The following ARHGEF33 variants were observed in gnomAD, a reference collection of about 807,000 sequenced individuals.
The protein encoded by ARHGEF33 is DH and coiled-coil domain-containing protein ENSP00000381780.
ARHGEF33 carries 72 observed loss-of-function variants against 101.9 expected under a neutral mutation model. The ratio of observed to expected loss-of-function variants is 0.71; its 90% confidence interval spans 0.58 to 0.86. ARHGEF33 has a LOEUF of 0.86. Among genes scored for constraint, ARHGEF33 ranks in the 40% least tolerant of loss-of-function variants. The pLI is 0.00. For synonymous variants in ARHGEF33, 499 were observed against 442.5 expected, an observed-to-expected ratio of 1.13 and a Z score of -1.60; for missense variants, 1,169 against 1,111.3, an observed-to-expected ratio of 1.05 and a Z score of -0.74.
chr2:38,917,552 A>G (rs138568026), intron 2 of ARHGEF33, among the ~76,000 whole-genome samples: 1,859 of 152,178 alleles, frequency 0.012, 33 homozygotes, highest in African/African-American at 0.042. Flanking sequence ...CTGTGCGGCC[A>G]GGCATAGTGG....
intron 2 of ARHGEF33, among the ~76,000 whole-genome samples, chr2:38,903,583 G>A (rs1216678188): frequency 6.6e-6 from 1 of 152,204 alleles, no homozygotes; most frequent in Non-Finnish European, 1.5e-5. Context: ...ACACCAGGCA[G>A]TAAGGATTCT....
intron 7 of ARHGEF33, among the ~76,000 whole-genome samples, chr2:38,932,408 T>C (rs1667028135): frequency 6.6e-6 from 1 of 152,060 alleles, no homozygotes. Context: ...ATTACAGGCG[T>C]GAGCCACCGT....
intron 17 of ARHGEF33, chr2:38,969,493 A>G (rs1668122228): frequency 5.9e-6 from 1 of 169,290 alleles, no homozygotes; most frequent in Admixed American, 6.5e-5. Context: ...AAAACCTGAG[A>G]AAGGGTTCTC....
rs143861005 is a variant in ARHGEF33, at chr2:38,953,954, G to T, written c.1138-419G>T. 2.6e-5 allele frequency among the ~76,000 whole-genome samples: 4 copies of T among 152,338 alleles called. No individual in the cohort carries two copies. In the East Asian group the frequency reaches 7.7e-4, roughly 29 times the overall value. On this transcript the variant is annotated intron_variant, in intron 12 of 17. Coordinates refer to ENST00000409978, the MANE Select transcript of ARHGEF33 (RefSeq NM_001145451.5). ...TTTCTGCGGCCAGGCCAGCTAACTA[G>T]GTTCTAATGACACTCCCTTTTCCAT...
At chr2:38,897,769 G>A (rs1212416900) in intron 2 of ARHGEF33, among the ~76,000 whole-genome samples, 1 of 152,110 alleles carries the variant, frequency 6.6e-6, no homozygotes, top group Non-Finnish European at 1.5e-5. Flanking sequence ...AACTCTCCTG[G>A]GTCATATCAA....
chr2:38,925,110 TGTG>T (rs1666842781), intron 4 of ARHGEF33, among the ~76,000 whole-genome samples: 1 of 152,122 alleles, frequency 6.6e-6, no homozygotes, highest in Non-Finnish European at 1.5e-5. Flanking sequence ...GTATCTGCAG[TGTG>T]ATTTCAAGCA....
chr2:38,909,732 G>T (rs186951902), intron 2 of ARHGEF33, among the ~76,000 whole-genome samples: 427 of 141,682 alleles, frequency 3.0e-3, no homozygotes, highest in Non-Finnish European at 5.0e-3. Context: ...TTTTGGTTGT[G>T]GGCATAGAAA....
intron 11 of ARHGEF33, among the ~76,000 whole-genome samples, chr2:38,951,978 G>A (rs1248027783): frequency 6.6e-6 from 1 of 152,222 alleles, no homozygotes; most frequent in Non-Finnish European, 1.5e-5. Context: ...GGTGTGAAGT[G>A]TGAGCTGCAG....
At chr2:38,930,450 T>C (rs966981265) in intron 6 of ARHGEF33, among the ~76,000 whole-genome samples, 1 of 151,910 alleles carries the variant, frequency 6.6e-6, no homozygotes, top group African/African-American at 2.4e-5. Context: ...TGGGCTCAAA[T>C]GATTCTCCCA....
chr2:38,937,319 C>T lies in ARHGEF33; in HGVS notation c.566-16C>T, dbSNP rs1359453840. 8.9e-6 allele frequency: 3 copies of T among 335,272 alleles called. No homozygotes were observed. The highest frequency in any genetic ancestry group is 3.0e-5 in the South Asian group (1 of 33,814). The allele number at this position is 335,272 out of a possible 1,614,324, so 20.8% of individuals were successfully genotyped here. On this transcript the variant is annotated splice_polypyrimidine_tract_variant and intron_variant, in intron 8 of 17. Transcript: ENST00000409978. The stretch of plus-strand genomic sequence containing the variant: ...CAGTTTTCTTTGTTTCCCCGCCCCT[C>T]CCCCCACCCCACCAGGAGTGAACCC...
intron 4 of ARHGEF33, among the ~76,000 whole-genome samples, chr2:38,925,838 C>T (rs1666857522): frequency 6.6e-6 from 1 of 152,076 alleles, no homozygotes; most frequent in African/African-American, 2.4e-5. Flanking sequence ...GTCCAGTCCC[C>T]CTAATTTACT....
intron 10 of ARHGEF33, among the ~76,000 whole-genome samples, chr2:38,950,499 T>C (rs969049615): frequency 6.6e-6 from 1 of 152,238 alleles, no homozygotes; most frequent in African/African-American, 2.4e-5. Context: ...TTACCCAGGC[T>C]GGGGTGAAGT....
At chr2:38,911,951 G>A (rs1666517775) in intron 2 of ARHGEF33, among the ~76,000 whole-genome samples, 1 of 152,212 alleles carries the variant, frequency 6.6e-6, no homozygotes, top group South Asian at 2.1e-4. Flanking sequence ...GAGAGGCTCT[G>A]GTTGAAGGGG....
intron 4 of ARHGEF33, among the ~76,000 whole-genome samples, chr2:38,927,344 A>G (rs1469185322): frequency 6.6e-6 from 1 of 152,270 alleles, no homozygotes; most frequent in Non-Finnish European, 1.5e-5. Flanking sequence ...GTTCAGAAAT[A>G]CACATTCAAA....
chr2:38,935,999 C>T (rs1389259959), intron 8 of ARHGEF33, among the ~76,000 whole-genome samples, 165 bp downstream of exon 8: 1 of 152,198 alleles, frequency 6.6e-6, no homozygotes, highest in Admixed American at 6.5e-5. Context: ...TAGAGCAGGT[C>T]AGTGACTCAT....
At chr2:38,893,904 A>G (rs1046724470) in intron 1 of ARHGEF33, among the ~76,000 whole-genome samples, 1 of 152,184 alleles carries the variant, frequency 6.6e-6, no homozygotes, top group Admixed American at 6.5e-5. Context: ...TTCAAGGGAG[A>G]TAGGGCACAA....
rs552650413 is a variant in ARHGEF33, at chr2:38,960,304, G to A, written c.1999G>A (p.Glu667Lys). ...LRPVSFAMEA[E>K]RPEHPLQPLP... ...GCCCGTCAGCTTCGCCATGGAGGCC[G>A]AGCGGCCGGAGCACCCGCTGCAGCC... Residue 667 changes from glutamate (E) to lysine (K), a missense_variant, in exon 16 of 18, where the codon GAG (glutamate) becomes AAG (lysine). Glu to Lys is a moderately conservative substitution (Grantham distance 56). Transcript: ENST00000409978. 7 of 1,544,660 alleles carry A rather than the reference G, an allele frequency of 4.5e-6. No individual in the cohort carries two copies. The East Asian group carries it at 9.8e-5, about 22-fold the overall frequency.
At position 38,928,937 on chromosome 2, in the gene ARHGEF33, G is replaced by A; in HGVS notation, c.106G>A (p.Gly36Ser). 6.5e-7 allele frequency: 1 copy of A among 1,550,232 alleles called. No individual in the cohort carries two copies. Residue 36 changes from glycine to serine, a missense_variant, in exon 5 of 18, where the codon GGT becomes AGT. Gly to Ser is a moderately conservative substitution (Grantham distance 56). Coordinates refer to ENST00000409978, the MANE Select transcript of ARHGEF33 (RefSeq NM_001145451.5). ...GGCCCTAGCCTCCGAACTCAAAACTGGTTTCACAGAAGCAATGCAAGAACT... is the reference window on the plus strand; with the variant it reads ...GGCCCTAGCCTCCGAACTCAAAACTAGTTTCACAGAAGCAATGCAAGAACT... ...LQALASELKT[G>S]FTEAMQELSR... is the part of the protein sequence containing the mutation.
intron 10 of ARHGEF33, among the ~76,000 whole-genome samples, chr2:38,949,153 A>T (rs1354567781): frequency 6.6e-6 from 1 of 151,796 alleles, no homozygotes; most frequent in Non-Finnish European, 1.5e-5. Flanking sequence ...GTTGAAAAAA[A>T]CCTCCTCTCG....
Sources: gnomAD v4.1 joint callset for allele counts (sites outside exome capture counted in the v4.1 genomes callset) on GRCh38, gnomAD v4.1.1 for gene constraint, MANE v1.5 for transcripts, NCBI Gene and HGNC (gene_info 2026-07-23, HGNC 2026-07-21) for gene names.